HOXC5: variants seen among roughly 807,000 people sequenced by gnomAD.
The protein encoded by HOXC5 is homeobox C5.
HOXC5 carries 19 observed loss-of-function variants against 20.1 expected under a neutral mutation model. That is an observed-to-expected ratio of 0.94 (90% CI 0.66 to 1.38). HOXC5 has a LOEUF of 1.38. Ranked by LOEUF, HOXC5 falls within the 40% of genes most tolerant of loss-of-function variation. The pLI is 0.00. For missense variants in HOXC5, 330 were observed against 300.1 expected (o/e 1.10, Z -0.74); for synonymous variants, 124 against 117.0 (o/e 1.06, Z -0.39).
upstream of HOXC5, chr12:54,030,173 G>C (rs1388938197): frequency 2.0e-6 from 1 of 508,116 alleles, no homozygotes; most frequent in African/African-American, 1.9e-5. Context: ...CCTCCTCCTC[G>C]CTCCCTTGCT....
upstream of HOXC5, among the ~76,000 whole-genome samples, chr12:54,032,507 C>T (rs114023888): frequency 7.3e-3 from 1,114 of 152,338 alleles, 19 homozygotes; most frequent in African/African-American, 0.026. Context: ...TAACTTAATC[C>T]CCTTTCCTCA....
At position 54,034,721 on chromosome 12, in the gene HOXC5, G is replaced by C. The variant is rs878995393; in HGVS notation, c.*229G>C. ...ATCTCCCCTCAGCTCGGCTCAGCTC[G>C]GTACCCGGGGCCCAGGGCAAGCTCC... On this transcript the variant is annotated 3_prime_UTR_variant, in exon 2 of 2. Coordinates refer to ENST00000312492, the MANE Select transcript of HOXC5 (RefSeq NM_018953.4). The C allele has an allele frequency of 1.9e-6, 1 of 534,906 alleles. No homozygotes were observed. The highest frequency in any genetic ancestry group is 1.9e-5 in the African/African-American group (1 of 52,514). The allele number at this position is 534,906 out of a possible 1,614,324, so 33.1% of individuals were successfully genotyped here.
chr12:54,021,444 G>A, the HOXC5 span: 1 of 152,252 alleles, frequency 6.6e-6, no homozygotes, highest in South Asian at 2.1e-4. Flanking sequence ...GAGAATTGAT[G>A]GGCCTCCTTT....
Position 54,033,544 on chromosome 12 carries a change from A to G in HOXC5, c.422A>G (p.Tyr141Cys). 6.3e-7 allele frequency: 1 copy of G among 1,596,948 alleles called. No individual in the cohort carries two copies. Among genetic ancestry groups the G allele is most frequent in the Non-Finnish European group, 8.5e-7 (1 of 1,176,124 alleles). ...CAGCCACCGGCCCCGCCACAGATTTACCCGTGGATGACCAAACTGCACATG... is the reference window on the plus strand; with the variant it reads ...CAGCCACCGGCCCCGCCACAGATTTGCCCGTGGATGACCAAACTGCACATG... ...LSQPPAPPQI[Y>C]PWMTKLHMSH... The change falls in exon 1 of 2, where the codon TAC becomes TGC. Residue 141 changes from tyrosine (Y) to cysteine (C), a missense_variant. Tyr to Cys is a radical substitution (Grantham distance 194). Transcript: ENST00000312492.
chr12:54,024,178 G>A, the HOXC5 span, among the ~76,000 whole-genome samples: 4 of 152,210 alleles, frequency 2.6e-5, no homozygotes, highest in Non-Finnish European at 4.4e-5. Context: ...CCCTCGCCCA[G>A]TGGCACAAAA....
At chr12:54,034,245 C>T (rs776778454) in intron 1 of HOXC5, 33 bp from the exon 2 acceptor site, 1 of 1,581,218 alleles carries the variant, frequency 6.3e-7, no homozygotes, top group Admixed American at 1.7e-5. Context: ...GCTATTCACC[C>T]CTTCCTGGCT....
At chr12:54,028,737 T>C, upstream of HOXC5, 2 of 1,614,160 alleles carry the variant, frequency 1.2e-6, no homozygotes, top group Non-Finnish European at 8.5e-7. Context: ...CGTATGACTA[T>C]GGATCTAATT....
the HOXC5 span, among the ~76,000 whole-genome samples, chr12:54,018,066 G>A: frequency 1.3e-5 from 2 of 152,174 alleles, no homozygotes; most frequent in Non-Finnish European, 2.9e-5. Context: ...CGTCAGCCGA[G>A]AGGAGAGCGT....
rs1210565576 is a variant in HOXC5, at chr12:54,034,878, C to G, written c.*386C>G. 7.4e-6 allele frequency: 2 copies of G among 269,860 alleles called. No homozygotes were observed. Among genetic ancestry groups the G allele is most frequent in the Non-Finnish European group, 7.2e-6 (1 of 138,564 alleles). 16.7% of individuals were successfully genotyped at this position (269,860 alleles called of 1,614,324 possible). Reference sequence around the variant, plus strand: ...TGGGCCCGGCCCGCGCCACAGGACCCTCGCCGGACCCTCTAACCTCGCCCT... The same window carrying G: ...TGGGCCCGGCCCGCGCCACAGGACCGTCGCCGGACCCTCTAACCTCGCCCT... On this transcript the variant is annotated 3_prime_UTR_variant, in exon 2 of 2. Coordinates refer to ENST00000312492, the MANE Select transcript of HOXC5 (RefSeq NM_018953.4).
chr12:54,027,622 T>C, the HOXC5 span, among the ~76,000 whole-genome samples: 2 of 147,358 alleles, frequency 1.4e-5, no homozygotes, highest in South Asian at 4.3e-4. Context: ...TTACTTCTTT[T>C]TCTCCTTTTT....
intron 1 of HOXC5, chr12:54,033,867 CG>C: frequency 2.5e-6 from 1 of 407,004 alleles, no homozygotes; most frequent in Non-Finnish European, 4.7e-6. Context: ...GGCTCCAGAG[CG>C]GGGATCCCCC....
upstream of HOXC5, among the ~76,000 whole-genome samples, chr12:54,029,186 GAGC>G (rs1321612215): frequency 2.6e-5 from 4 of 152,214 alleles, no homozygotes; most frequent in Admixed American, 2.6e-4. Context: ...TGAGGGGAGG[GAGC>G]AGAAGATAGG....
chr12:54,025,232 T>G, the HOXC5 span, among the ~76,000 whole-genome samples: 1 of 152,230 alleles, frequency 6.6e-6, no homozygotes, highest in Non-Finnish European at 1.5e-5. Context: ...CATCTGTTCT[T>G]GCTTCTGCTG....
At chr12:54,017,977 C>A in the HOXC5 span, among the ~76,000 whole-genome samples, 1 of 152,186 alleles carries the variant, frequency 6.6e-6, no homozygotes, top group Admixed American at 6.5e-5. Flanking sequence ...GCCGGGCCGC[C>A]GAGCAGGAAG....
chr12:54,025,529 G>GT, the HOXC5 span, among the ~76,000 whole-genome samples: 7 of 36,838 alleles, frequency 1.9e-4, no homozygotes, highest in Non-Finnish European at 4.2e-4. Flanking sequence ...AAGGTAATTG[G>GT]GGGGGGGGGA....
chr12:54,028,801 C>T (rs984951104), upstream of HOXC5: 4 of 1,614,020 alleles, frequency 2.5e-6, no homozygotes, highest in African/African-American at 4.0e-5. Flanking sequence ...CACCTTAGGA[C>T]ATAACACACA....
chr12:54,018,542 T>A, the HOXC5 span, among the ~76,000 whole-genome samples: 1 of 152,226 alleles, frequency 6.6e-6, no homozygotes, highest in Admixed American at 6.5e-5. Context: ...AATGGCCTGT[T>A]GTATAGTCTT....
intron 1 of HOXC5, 148 bp from the exon 2 acceptor site, chr12:54,034,130 C>T: frequency 1.3e-6 from 1 of 788,108 alleles, no homozygotes; most frequent in Non-Finnish European, 2.2e-6. Context: ...CTGGGCTGGG[C>T]TGGCCCGCCT....
At chr12:54,030,752 C>T (rs1448844959), upstream of HOXC5, 1 of 152,614 alleles carries the variant, frequency 6.6e-6, no homozygotes. Context: ...TCGTGTTACC[C>T]TCCTGTATAA....
Sources: allele counts gnomAD v4.1 joint callset (sites outside exome capture counted in the v4.1 genomes callset), GRCh38; gene constraint gnomAD v4.1.1; transcripts MANE v1.5; gene names NCBI Gene and HGNC (gene_info 2026-07-23, HGNC 2026-07-21).